The following TRHDE variants were observed in gnomAD, a reference collection of about 807,000 sequenced individuals.
TRHDE encodes the protein thyrotropin releasing hormone degrading enzyme.
In TRHDE, 72 loss-of-function variants were observed where a neutral mutation model predicts 125.7. That is an observed-to-expected ratio of 0.57 (90% CI 0.47 to 0.70). TRHDE has a LOEUF of 0.70. Ranked by LOEUF, TRHDE falls within the 30% of genes least tolerant of loss-of-function variation. TRHDE has a pLI of 0.00. For synonymous variants in TRHDE, 509 were observed against 509.1 expected (o/e 1.00, Z 0.00); for missense variants, 1,110 against 1,327.1 (o/e 0.84, Z 2.54).
At chr12:72,089,347 T>C (rs1304916378) in intron 1 of TRHDE, among the ~76,000 whole-genome samples, 1 of 152,196 alleles carries the variant, frequency 6.6e-6, no homozygotes, top group Non-Finnish European at 1.5e-5. Flanking sequence ...TTTAACACTA[T>C]ACATTGGATT....
intron 2 of TRHDE, among the ~76,000 whole-genome samples, chr12:72,239,081 A>G (rs563456800): frequency 8.4e-4 from 128 of 152,270 alleles, no homozygotes; most frequent in African/African-American, 2.9e-3. Context: ...AATGATTGCT[A>G]TTCTAACTGG....
chr12:72,555,528 CATT>C (rs1277424086), intron 7 of TRHDE, among the ~76,000 whole-genome samples: 5 of 152,066 alleles, frequency 3.3e-5, no homozygotes, highest in African/African-American at 1.2e-4. Flanking sequence ...AAAATATAAA[CATT>C]ATTTTTTAAT....
chr12:72,292,363 T>C (rs11179143), intron 2 of TRHDE, among the ~76,000 whole-genome samples: 20,826 of 152,204 alleles, frequency 0.14, 1,936 homozygotes, highest in Non-Finnish European at 0.21. Flanking sequence ...AAGGAAAAGT[T>C]TTAATTTCAA....
At chr12:72,357,659 G>T (rs1422798760) in intron 2 of TRHDE, among the ~76,000 whole-genome samples, 1 of 151,464 alleles carries the variant, frequency 6.6e-6, no homozygotes, top group Non-Finnish European at 1.5e-5. Context: ...GAATAGTGCT[G>T]CAATGACCAT....
At chr12:72,218,446 T>C (rs1357424544) in intron 2 of TRHDE, among the ~76,000 whole-genome samples, 2 of 152,174 alleles carry the variant, frequency 1.3e-5, no homozygotes, top group African/African-American at 4.8e-5. Flanking sequence ...GATGCTGTTT[T>C]TTTTCTCATT....
intron 2 of TRHDE, among the ~76,000 whole-genome samples, chr12:72,336,839 G>A (rs912932142): frequency 1.4e-4 from 21 of 152,100 alleles, no homozygotes; most frequent in African/African-American, 4.8e-4. Context: ...TGGGCAGAGC[G>A]CTCATAACCT....
At chr12:72,400,600 C>T (rs1253387388) in intron 3 of TRHDE, among the ~76,000 whole-genome samples, 5 of 152,136 alleles carry the variant, frequency 3.3e-5, no homozygotes, top group African/African-American at 1.2e-4. Flanking sequence ...ACCTTTCAAG[C>T]TATTACCATG....
At chr12:72,310,007 A>G (rs1368752624) in intron 2 of TRHDE, among the ~76,000 whole-genome samples, 2 of 152,228 alleles carry the variant, frequency 1.3e-5, no homozygotes, top group African/African-American at 4.8e-5. Flanking sequence ...ATTTGTTTCC[A>G]TTAAAACTAA....
rs200081385 is a variant in TRHDE, at chr12:72,531,438, T to A, written c.1723-10853T>A. Among the ~76,000 whole-genome samples, 28 of 152,180 alleles carry A rather than the reference T, an allele frequency of 1.8e-4. No individual in the cohort carries two copies. In the East Asian group the frequency reaches 4.3e-3, roughly 23 times the overall value. On this transcript the variant is annotated intron_variant, in intron 6 of 18. Coordinates refer to ENST00000261180, the MANE Select transcript of TRHDE (RefSeq NM_013381.3). ...AGCTTGTCTGTGAATTTATGATGTC[T>A]TTTATCATATAGATTTTAAAGTTCA...
At position 72,469,844 on chromosome 12, in the gene TRHDE, C is replaced by T. The variant is rs763824446; in HGVS notation, c.1402C>T (p.Pro468Ser). 3.1e-6 allele frequency: 5 copies of T among 1,613,842 alleles called. No individual in the cohort carries two copies. The East Asian group carries it at 8.9e-5, about 29-fold the overall frequency. The change falls in exon 4 of 19, where the codon CCC becomes TCC. Residue 468 changes from proline (P) to serine (S), a missense_variant. Physicochemically the swap from Pro to Ser is moderately conservative, Grantham distance 74. This residue lies in a region of TRHDE where 252 missense variants were observed against 274.8 expected (regional missense o/e 0.92). Coordinates refer to ENST00000261180, the MANE Select transcript of TRHDE (RefSeq NM_013381.3). ...TGTGGAACAAAGAATACTGCTGGAT[C>T]CCAGTGTTTCATCTATTTCTTATTT... ...IFVEQRILLD[P>S]SVSSISYLLD...
At chr12:72,586,395 T>C (rs575060360) in intron 12 of TRHDE, among the ~76,000 whole-genome samples, 2 of 152,314 alleles carry the variant, frequency 1.3e-5, no homozygotes, top group South Asian at 4.1e-4. Flanking sequence ...TTGCATGCAA[T>C]TTGAGCTATT....
intron 7 of TRHDE, among the ~76,000 whole-genome samples, chr12:72,561,757 A>T (rs534922873): frequency 3.9e-5 from 6 of 152,182 alleles, no homozygotes; most frequent in Non-Finnish European, 5.9e-5. Context: ...TAACATCAGC[A>T]TATATTAGCT....
intron 15 of TRHDE, among the ~76,000 whole-genome samples, chr12:72,632,931 T>C (rs1332568672): frequency 1.3e-5 from 2 of 151,954 alleles, no homozygotes; most frequent in East Asian, 3.9e-4. Context: ...TTTAATGTTA[T>C]CTGGGCCACT....
intron 5 of TRHDE, among the ~76,000 whole-genome samples, chr12:72,488,008 T>A (rs1877490529): frequency 6.7e-6 from 1 of 150,338 alleles, no homozygotes; most frequent in South Asian, 2.1e-4. Context: ...CAAAAAAAAA[T>A]TCAACAGATA....
At chr12:72,296,538 T>C (rs1237058586) in intron 2 of TRHDE, among the ~76,000 whole-genome samples, 1 of 151,904 alleles carries the variant, frequency 6.6e-6, no homozygotes, top group Non-Finnish European at 1.5e-5. Context: ...AATAGCTGAG[T>C]CATAGCTAGG....
At chr12:72,448,788 T>C (rs1875428029) in intron 3 of TRHDE, among the ~76,000 whole-genome samples, 1 of 151,758 alleles carries the variant, frequency 6.6e-6, no homozygotes, top group Non-Finnish European at 1.5e-5. Flanking sequence ...ATATTATCAC[T>C]AGTCATTTTG....
rs528039203 is a variant in TRHDE at position 72,589,314 on chromosome 12, T to C, written c.2321+13772T>C. ...AGACTCTTTTCATATGCTCATTTGCTTTTCTTTTTTTCTTTCTATTGCACT... is the reference window on the plus strand; with the variant it reads ...AGACTCTTTTCATATGCTCATTTGCCTTTCTTTTTTTCTTTCTATTGCACT... On this transcript the variant is annotated intron_variant, in intron 12 of 18. Coordinates refer to ENST00000261180, the MANE Select transcript of TRHDE (RefSeq NM_013381.3). 2.6e-5 allele frequency among the ~76,000 whole-genome samples: 4 copies of C among 152,302 alleles called. No individual in the cohort carries two copies. In the East Asian group the frequency reaches 5.8e-4, roughly 22 times the overall value.
intron 2 of TRHDE, chr12:72,255,260 T>C (rs1878781988): frequency 6.6e-6 from 1 of 152,194 alleles, no homozygotes; most frequent in Non-Finnish European, 1.5e-5. Context: ...GAAGAGATCA[T>C]CATCACTGTG....
At chr12:72,616,625 G>T (rs1872825805) in intron 12 of TRHDE, among the ~76,000 whole-genome samples, 1 of 152,002 alleles carries the variant, frequency 6.6e-6, no homozygotes, top group Non-Finnish European at 1.5e-5. Flanking sequence ...TTTTAGAGAT[G>T]AAATAAAACA....
Sources: allele counts gnomAD v4.1 joint callset (sites outside exome capture counted in the v4.1 genomes callset), GRCh38; gene constraint gnomAD v4.1.1; regional missense constraint gnomAD v4.1.1; transcripts MANE v1.5; gene names NCBI Gene and HGNC (gene_info 2026-07-23, HGNC 2026-07-21).